SORCS1: variants seen among roughly 807,000 people sequenced by gnomAD.
SORCS1 encodes sortilin related VPS10 domain containing receptor 1, also known as VPS10 domain-containing receptor SorCS1.
SORCS1 carries 60 observed loss-of-function variants against 146.1 expected under a neutral mutation model. That is an observed-to-expected ratio of 0.41 (90% CI 0.33 to 0.51). The LOEUF is 0.51. SORCS1 is among the 20% of genes least tolerant of loss of function. The pLI, the probability that SORCS1 is intolerant of heterozygous loss-of-function variation, is 0.21. For missense variants in SORCS1, 1,352 were observed against 1,487.6 expected, an observed-to-expected ratio of 0.91 and a Z score of 1.50; for synonymous variants, 637 against 584.0, an observed-to-expected ratio of 1.09 and a Z score of -1.31.
intron 1 of SORCS1, among the ~76,000 whole-genome samples, chr10:107,027,596 G>A (rs973139016): frequency 6.6e-6 from 1 of 152,066 alleles, no homozygotes; most frequent in African/African-American, 2.4e-5. Flanking sequence ...ACTCATCCCC[G>A]AGCAGTCGTA....
intron 17 of SORCS1, 36 bp from the exon 18 acceptor site, chr10:106,652,589 A>C (rs1174080906): frequency 6.2e-7 from 1 of 1,600,116 alleles, no homozygotes; most frequent in East Asian, 2.2e-5. Flanking sequence ...AAACCAGCTC[A>C]TTATAATGTG....
chr10:106,687,885 G>A (rs1852980219), intron 10 of SORCS1, among the ~76,000 whole-genome samples: 1 of 152,150 alleles, frequency 6.6e-6, no homozygotes, highest in Non-Finnish European at 1.5e-5. Context: ...TGTTCAGTGT[G>A]TATCCTCACC....
chr10:106,715,014 A>G (rs375510414), intron 6 of SORCS1, among the ~76,000 whole-genome samples: 360 of 152,358 alleles, frequency 2.4e-3, no homozygotes, highest in African/African-American at 7.9e-3. Flanking sequence ...GAAATGAACC[A>G]TCTTGAACAG....
intron 1 of SORCS1, among the ~76,000 whole-genome samples, chr10:107,091,890 C>T (rs1026394915): frequency 2.0e-5 from 3 of 152,216 alleles, no homozygotes; most frequent in Admixed American, 2.0e-4. Context: ...CATGACCCAT[C>T]ACTCACTCTC....
At chr10:107,022,453 T>C (rs1268854061) in intron 1 of SORCS1, among the ~76,000 whole-genome samples, 2 of 152,088 alleles carry the variant, frequency 1.3e-5, no homozygotes, top group Non-Finnish European at 2.9e-5. Flanking sequence ...TTAACAATCA[T>C]TGAGGTCCCT....
At chr10:107,045,701 G>T (rs1003148559) in intron 1 of SORCS1, among the ~76,000 whole-genome samples, 2 of 151,642 alleles carry the variant, frequency 1.3e-5, no homozygotes, top group Admixed American at 6.6e-5. Flanking sequence ...ATTTTAAGTT[G>T]AGAAAAATGT....
intron 2 of SORCS1, among the ~76,000 whole-genome samples, chr10:106,937,236 C>T (rs1482956945): frequency 1.3e-5 from 2 of 149,816 alleles, no homozygotes; most frequent in African/African-American, 2.5e-5. Flanking sequence ...GTGACATGGT[C>T]TCAGCTCACT....
rs1954949240 is a variant in SORCS1 at position 106,956,495 on chromosome 10, C to T, written c.626+18G>A. 6.2e-7 allele frequency: 1 copy of T among 1,610,748 alleles called. No homozygotes were observed. Among genetic ancestry groups the T allele is most frequent in the Admixed American group, 1.7e-5 (1 of 59,762 alleles). On this transcript the variant is annotated intron_variant, in intron 2 of 25. Transcript: ENST00000263054. ...GCTTAAATAACACGGTAATTATTAG[C>T]TCCATTTATCTACATACCTCCAAAG...
At chr10:107,085,032 C>T (rs1963656926) in intron 1 of SORCS1, among the ~76,000 whole-genome samples, 1 of 152,120 alleles carries the variant, frequency 6.6e-6, no homozygotes, top group Admixed American at 6.5e-5. Flanking sequence ...CAGTGTGAAG[C>T]CCTCAAAGCT....
At chr10:106,996,526 A>G (rs1564904573) in intron 1 of SORCS1, among the ~76,000 whole-genome samples, 1 of 152,296 alleles carries the variant, frequency 6.6e-6, no homozygotes, top group East Asian at 1.9e-4. Flanking sequence ...CTTGGCCCCT[A>G]GGATCCTTAG....
At chr10:107,063,948 G>T (rs1031077813) in intron 1 of SORCS1, among the ~76,000 whole-genome samples, 2 of 152,146 alleles carry the variant, frequency 1.3e-5, no homozygotes, top group African/African-American at 2.4e-5. Flanking sequence ...GAACAGTAAA[G>T]ATATCAGACT....
chr10:106,847,935 C>G (rs1949374014), intron 2 of SORCS1, among the ~76,000 whole-genome samples: 1 of 150,944 alleles, frequency 6.6e-6, no homozygotes, highest in Non-Finnish European at 1.5e-5. Flanking sequence ...TTTGCTTGCA[C>G]TGTGGTCTGA....
rs538995265 is a variant in SORCS1 at position 106,738,753 on chromosome 10, A to G, written c.960-8639T>C. On this transcript the variant is annotated intron_variant, in intron 5 of 25. Transcript: ENST00000263054. ...ACACCTGTAATCCCAGTATTTTGGG[A>G]GGCTGAGATGGGAGGATCGCTTGAC... is the stretch of plus-strand genomic sequence containing the variant. Among the ~76,000 whole-genome samples the G allele has an allele frequency of 1.7e-4, 26 of 152,316 alleles. No individual in the cohort carries two copies. In the East Asian group the frequency reaches 5.0e-3, roughly 29 times the overall value.
chr10:107,003,644 C>T (rs1388122831), intron 1 of SORCS1, among the ~76,000 whole-genome samples: 1 of 152,038 alleles, frequency 6.6e-6, no homozygotes, highest in Non-Finnish European at 1.5e-5. Context: ...GTACTGTAAT[C>T]CTTAGGGTAA....
intron 2 of SORCS1, among the ~76,000 whole-genome samples, chr10:106,885,500 G>C (rs1385325871): frequency 6.6e-6 from 1 of 152,134 alleles, no homozygotes; most frequent in African/African-American, 2.4e-5. Flanking sequence ...AAAGAGATTT[G>C]GCAGGTCTTA....
intron 2 of SORCS1, among the ~76,000 whole-genome samples, chr10:106,918,836 G>A: frequency 6.6e-6 from 1 of 151,130 alleles, no homozygotes; most frequent in South Asian, 2.1e-4. Context: ...ATTGTATAGT[G>A]TATTATATTT....
chr10:106,928,826 C>T (rs1412413696), intron 2 of SORCS1, among the ~76,000 whole-genome samples: 1 of 151,526 alleles, frequency 6.6e-6, no homozygotes, highest in Admixed American at 6.6e-5. Context: ...TGACCACCTA[C>T]CCCCAATACC....
At chr10:106,713,323 T>C (rs1470955281) in intron 6 of SORCS1, among the ~76,000 whole-genome samples, 1 of 152,216 alleles carries the variant, frequency 6.6e-6, no homozygotes, top group African/African-American at 2.4e-5. Flanking sequence ...TAGGAGGTCT[T>C]GACCTTCAAA....
At chr10:106,871,661 T>C (rs1379811473) in intron 2 of SORCS1, among the ~76,000 whole-genome samples, 3 of 152,192 alleles carry the variant, frequency 2.0e-5, no homozygotes, top group Non-Finnish European at 4.4e-5. Flanking sequence ...AAATACCCCA[T>C]GTTCTCATTC....
Sources: allele counts gnomAD v4.1 joint callset (sites outside exome capture counted in the v4.1 genomes callset), GRCh38; gene constraint gnomAD v4.1.1; transcripts MANE v1.5; gene names NCBI Gene and HGNC (gene_info 2026-07-23, HGNC 2026-07-21).